The following TLK1 variants were observed in gnomAD, a reference collection of about 807,000 sequenced individuals.
The protein encoded by TLK1 is serine/threonine-protein kinase tousled-like 1.
In TLK1, 24 loss-of-function variants were observed where a neutral mutation model predicts 105.3. That is an observed-to-expected ratio of 0.23 (90% CI 0.17 to 0.32). The LOEUF is 0.32. Ranked by LOEUF, TLK1 falls within the 10% of genes least tolerant of loss-of-function variation. The pLI, the probability that TLK1 is intolerant of heterozygous loss-of-function variation, is 1.00. For missense variants in TLK1, 558 were observed against 910.5 expected (o/e 0.61, Z 4.98); for synonymous variants, 321 against 310.4 (o/e 1.03, Z -0.36).
intron 3 of TLK1, among the ~76,000 whole-genome samples, chr2:171,078,614 A>T (rs1000602995): frequency 3.3e-5 from 5 of 152,222 alleles, no homozygotes; most frequent in African/African-American, 1.2e-4. Flanking sequence ...CTACCGTCAT[A>T]AACATTAAGT....
At chr2:171,229,682 T>C (rs1347967088) in intron 1 of TLK1, among the ~76,000 whole-genome samples, 1 of 152,210 alleles carries the variant, frequency 6.6e-6, no homozygotes, top group African/African-American at 2.4e-5. Context: ...TTTGCACAAC[T>C]AAGTAGGAGC....
chr2:171,141,328 T>C (rs1331056063), intron 1 of TLK1, among the ~76,000 whole-genome samples: 2 of 152,236 alleles, frequency 1.3e-5, no homozygotes, highest in African/African-American at 4.8e-5. Flanking sequence ...GAAACATTTG[T>C]CTACTGAGAA....
rs1041178184 is a variant in TLK1, at chr2:170,991,939, A to C, written c.*1841T>G. 1.6e-4 allele frequency: 24 copies of C among 152,226 alleles called. No homozygotes were observed. Among genetic ancestry groups the C allele is most frequent in the African/African-American group, 3.4e-4 (14 of 41,578 alleles). 9.4% of individuals were successfully genotyped at this position (152,226 alleles called of 1,614,324 possible). A position where few individuals can be genotyped will look rare whatever the true frequency, so the allele number is the denominator to read the frequency against. On this transcript the variant is annotated 3_prime_UTR_variant, in exon 21 of 21. Coordinates refer to ENST00000431350, the MANE Select transcript of TLK1 (RefSeq NM_012290.5). ...GGATTTCTCTGTGCTCTACAGAGGA[A>C]TGGGTATAGCCAGCCCCTTAAACCA...
intron 4 of TLK1, chr2:171,059,878 C>T (rs762483332): frequency 1.6e-5 from 15 of 957,870 alleles, no homozygotes; most frequent in Non-Finnish European, 2.2e-5. Flanking sequence ...GCTGATCTGA[C>T]AGGAGGCCGA....
rs573373750 is a variant in TLK1, at chr2:171,032,653, G to A, written c.1170-4248C>T. Among the ~76,000 whole-genome samples, 105 of 152,190 alleles carry A rather than the reference G, an allele frequency of 6.9e-4. 1 individual carries two copies. In the South Asian group the frequency reaches 0.021, roughly 30 times the overall value. On this transcript the variant is annotated intron_variant, in intron 11 of 20. Transcript: ENST00000431350. ...AGATTGGAGACTTTCAAAAAGTATGGTACTGCCATAAGAATACACATATAT... is the reference window on the plus strand; with the variant it reads ...AGATTGGAGACTTTCAAAAAGTATGATACTGCCATAAGAATACACATATAT...
intron 11 of TLK1, among the ~76,000 whole-genome samples, chr2:171,037,213 G>A (rs184029576): frequency 6.6e-6 from 1 of 151,942 alleles, no homozygotes; most frequent in Non-Finnish European, 1.5e-5. Flanking sequence ...AGGCTGAGGT[G>A]GGCAGATCAC....
chr2:171,187,599 T>C (rs534389199), intron 1 of TLK1, among the ~76,000 whole-genome samples: 3 of 152,194 alleles, frequency 2.0e-5, no homozygotes, highest in Non-Finnish European at 4.4e-5. Flanking sequence ...ATCACTTCAG[T>C]CAAGTGTGAG....
intron 3 of TLK1, among the ~76,000 whole-genome samples, chr2:171,074,783 C>G (rs142660586): frequency 2.0e-5 from 3 of 152,134 alleles, no homozygotes; most frequent in Non-Finnish European, 4.4e-5. Flanking sequence ...CATCATTTAT[C>G]ACACTAACAT....
intron 1 of TLK1, among the ~76,000 whole-genome samples, chr2:171,173,359 C>T (rs1418086381): frequency 6.6e-6 from 1 of 152,192 alleles, no homozygotes; most frequent in African/African-American, 2.4e-5. Context: ...TAGACAGGAT[C>T]TCACTCTGTT....
intron 12 of TLK1, chr2:171,023,012 T>C: frequency 8.5e-6 from 4 of 469,324 alleles, no homozygotes; most frequent in African/African-American, 2.0e-5. Context: ...AAAGATTTCA[T>C]CATGGAAGAT....
chr2:171,064,977 T>TTAA (rs1313992645), intron 3 of TLK1, among the ~76,000 whole-genome samples: 1 of 152,200 alleles, frequency 6.6e-6, no homozygotes, highest in Non-Finnish European at 1.5e-5. Context: ...AGGTCAGTGA[T>TTAA]TATTAATCAA....
At chr2:171,016,715 T>C (rs1575517977) in intron 12 of TLK1, among the ~76,000 whole-genome samples, 1 of 152,316 alleles carries the variant, frequency 6.6e-6, no homozygotes. Flanking sequence ...ATCACACCGG[T>C]ACCTAAGACA....
At chr2:171,201,645 C>T (rs544278545) in intron 1 of TLK1, among the ~76,000 whole-genome samples, 1 of 152,338 alleles carries the variant, frequency 6.6e-6, no homozygotes, top group South Asian at 2.1e-4. Context: ...TTCTAAGGAA[C>T]TGTTCCACCT....
Position 170,993,774 on chromosome 2 carries a change from G to A in TLK1, c.*6C>T, listed in dbSNP as rs528720883. 2 of 1,557,050 alleles carry A rather than the reference G, an allele frequency of 1.3e-6. No individual in the cohort carries two copies. Among genetic ancestry groups the A allele is most frequent in the Admixed American group, 3.7e-5 (2 of 54,444 alleles). Reference sequence around the variant, plus strand: ...TCAAAGATATCATGCCAATCTTGGAGGAAAGTCAGTAAGTAATTATGCTTG... The same window carrying A: ...TCAAAGATATCATGCCAATCTTGGAAGAAAGTCAGTAAGTAATTATGCTTG... On this transcript the variant is annotated 3_prime_UTR_variant, in exon 21 of 21. Coordinates refer to ENST00000431350, the MANE Select transcript of TLK1 (RefSeq NM_012290.5).
intron 1 of TLK1, among the ~76,000 whole-genome samples, chr2:171,176,032 G>A (rs985473927): frequency 1.3e-5 from 2 of 152,094 alleles, no homozygotes; most frequent in African/African-American, 4.8e-5. Context: ...CACCTCCTGG[G>A]TTCAAGCGAT....
chr2:171,184,260 G>C (rs951586240), intron 1 of TLK1, among the ~76,000 whole-genome samples: 1 of 152,218 alleles, frequency 6.6e-6, no homozygotes, highest in Non-Finnish European at 1.5e-5. Context: ...TTTTAGCCCA[G>C]TAAGATCTAT....
chr2:171,006,189 A>G lies in TLK1; in HGVS notation c.1862T>C (p.Val621Ala). 6.2e-7 allele frequency: 1 copy of G among 1,609,892 alleles called. No individual in the cohort carries two copies. Among genetic ancestry groups the G allele is most frequent in the Non-Finnish European group, 8.5e-7 (1 of 1,178,290 alleles). The change falls in exon 18 of 21, where the codon GTA becomes GCA. Residue 621 changes from valine to alanine, a missense_variant. Val to Ala is a moderately conservative substitution (Grantham distance 64). Coordinates refer to ENST00000431350, the MANE Select transcript of TLK1 (RefSeq NM_012290.5). ...CTGGGAAGTTAGATCCATTCCATCT[A>G]CACCATAGCTATCATCATCCATAAT... ...SKIMDDDSYG[V>A]DGMDLTSQGA...
chr2:171,022,443 T>C (rs2676140), intron 12 of TLK1, among the ~76,000 whole-genome samples: 147,603 of 151,650 alleles, frequency 0.97, 71,921 homozygotes, highest in East Asian at 1. Context: ...CACACACACC[T>C]CCCTCCAAGA....
chr2:171,220,347 C>T (rs1026059701), intron 1 of TLK1, among the ~76,000 whole-genome samples: 3 of 152,142 alleles, frequency 2.0e-5, no homozygotes, highest in African/African-American at 7.2e-5. Flanking sequence ...GATATTCATG[C>T]CTTTTCGAAG....
Sources: allele counts gnomAD v4.1 joint callset (sites outside exome capture counted in the v4.1 genomes callset), GRCh38; gene constraint gnomAD v4.1.1; transcripts MANE v1.5; gene names NCBI Gene and HGNC (gene_info 2026-07-23, HGNC 2026-07-21).